Variants in CSMD2 observed in about 807,000 individuals in gnomAD.
CSMD2 encodes the protein CUB and Sushi multiple domains 2.
Under a neutral mutation model 398.5 loss-of-function variants are expected in CSMD2, and 130 were observed. The observed-to-expected ratio is 0.33, with a 90% CI of 0.28 to 0.38. The LOEUF is 0.38. CSMD2 is among the 10% of genes least tolerant of loss of function. The probability of loss-of-function intolerance (pLI) is 1.00; values close to 1 mark genes in which losing one functional copy is unlikely to be tolerated. For missense variants in CSMD2, 3,829 were observed against 4,764.9 expected (o/e 0.80, Z 5.78); for synonymous variants, 1,828 against 1,908.5 (o/e 0.96, Z 1.10).
chr1:33,822,773 A>T (rs970297198), intron 7 of CSMD2, among the ~76,000 whole-genome samples: 1 of 152,094 alleles, frequency 6.6e-6, no homozygotes, highest in Non-Finnish European at 1.5e-5. Context: ...GGGAAGGAGG[A>T]GGAAGCCTGA....
intron 5 of CSMD2, among the ~76,000 whole-genome samples, chr1:33,909,836 G>A (rs1039927780): frequency 6.6e-6 from 1 of 152,174 alleles, no homozygotes; most frequent in Non-Finnish European, 1.5e-5. Flanking sequence ...GGGCAGCTGT[G>A]TCCCAGCACA....
At chr1:33,632,191 A>G (rs1928347) in intron 32 of CSMD2, among the ~76,000 whole-genome samples, 11,556 of 152,138 alleles carry the variant, frequency 0.076, 772 homozygotes, top group African/African-American at 0.18. Flanking sequence ...GATGAAACTA[A>G]GAAGTGAAAG....
intron 29 of CSMD2, among the ~76,000 whole-genome samples, chr1:33,639,559 G>A (rs761006889): frequency 6.6e-5 from 10 of 152,164 alleles, no homozygotes; most frequent in Non-Finnish European, 1.3e-4. Context: ...GGAGGAGAAG[G>A]TTCATCACCT....
chr1:33,524,827 C>T lies in CSMD2; in HGVS notation c.10396+55G>A, dbSNP rs958500385. The T allele has an allele frequency of 1.9e-6, 3 of 1,582,340 alleles. No homozygotes were observed. The African/African-American group carries it at 4.0e-5, about 21-fold the overall frequency. ...GCAATGCCATTAGGCTCATCCTTGCCAAGGGTGTGTGCCCATCCATCCTCC... is the reference window on the plus strand; with the variant it reads ...GCAATGCCATTAGGCTCATCCTTGCTAAGGGTGTGTGCCCATCCATCCTCC... On this transcript the variant is annotated intron_variant, in intron 66 of 70. Coordinates refer to ENST00000373381, the MANE Select transcript of CSMD2 (RefSeq NM_001281956.2).
intron 27 of CSMD2, among the ~76,000 whole-genome samples, chr1:33,655,039 C>A (rs757295659): frequency 5.3e-5 from 8 of 152,238 alleles, no homozygotes; most frequent in Non-Finnish European, 1.0e-4. Flanking sequence ...TGCTTGGATC[C>A]CTGGGCTGCC....
chr1:33,983,236 C>T (rs967066911), intron 3 of CSMD2, among the ~76,000 whole-genome samples: 3 of 152,176 alleles, frequency 2.0e-5, no homozygotes, highest in Admixed American at 6.5e-5. Flanking sequence ...AAAAAAATAT[C>T]CGATGATTAT....
Position 33,633,372 on chromosome 1 carries a change from G to T in CSMD2, c.5200+50C>A. 1.5e-6 allele frequency: 2 copies of T among 1,375,666 alleles called. No homozygotes were observed. The highest frequency in any genetic ancestry group is 2.0e-6 in the Non-Finnish European group (2 of 988,246). The allele number at this position is 1,375,666 out of a possible 1,614,324, so 85.2% of individuals were successfully genotyped here. ...TAGAGCCTCCTTCCTTTAGCCGGAC[G>T]TGATGCCCCCGGCCCACAACCATCC... On this transcript the variant is annotated intron_variant, in intron 32 of 70. Transcript: ENST00000373381. This position sits in a 1 kb window ranked among gnomAD's most constrained non-coding sequence, Gnocchi z 5.0.
At chr1:34,093,455 A>G (rs946628699) in intron 1 of CSMD2, among the ~76,000 whole-genome samples, 1 of 152,118 alleles carries the variant, frequency 6.6e-6, no homozygotes, top group Non-Finnish European at 1.5e-5. Context: ...CGATCAAATT[A>G]CTCTGAGCTA....
At position 33,864,672 on chromosome 1, in the gene CSMD2, C is replaced by T. The variant is rs192690973; in HGVS notation, c.921-17676G>A. 411 of 1,613,764 alleles carry T rather than the reference C, an allele frequency of 2.5e-4. 1 individual carries two copies. Among genetic ancestry groups the T allele is most frequent in the Non-Finnish European group, 9.0e-5 (106 of 1,179,968 alleles). ...GTACTTCGAGGAACTTGAACTCTACCGTAAACAATGTAATGCCAGGAAGAA... is the reference window on the plus strand; with the variant it reads ...GTACTTCGAGGAACTTGAACTCTACTGTAAACAATGTAATGCCAGGAAGAA... On this transcript the variant is annotated intron_variant, in intron 5 of 70. Transcript: ENST00000373381.
chr1:33,786,523 C>G (rs991231542), intron 12 of CSMD2, among the ~76,000 whole-genome samples: 1 of 152,220 alleles, frequency 6.6e-6, no homozygotes, highest in Non-Finnish European at 1.5e-5. Flanking sequence ...ATTGAACTAC[C>G]TGTGTACTGG....
chr1:33,992,277 G>A (rs573746808), intron 3 of CSMD2, among the ~76,000 whole-genome samples: 6 of 152,198 alleles, frequency 3.9e-5, no homozygotes, highest in South Asian at 2.1e-4. Context: ...ATGACAGTAC[G>A]GCTCACTGAA....
At chr1:33,790,495 C>T (rs1016280516) in intron 11 of CSMD2, among the ~76,000 whole-genome samples, 3 of 152,196 alleles carry the variant, frequency 2.0e-5, no homozygotes, top group African/African-American at 7.2e-5. Flanking sequence ...AACATCAGCT[C>T]TTCCTGGATC....
chr1:33,598,544 G>A (rs976278660), intron 44 of CSMD2: 1 of 152,492 alleles, frequency 6.6e-6, no homozygotes, highest in Non-Finnish European at 1.5e-5. Flanking sequence ...CTAGAGGCTG[G>A]GAAGTCCAAG....
chr1:33,556,534 A>G (rs1464851357), intron 55 of CSMD2, among the ~76,000 whole-genome samples: 1 of 152,068 alleles, frequency 6.6e-6, no homozygotes, highest in Non-Finnish European at 1.5e-5. Flanking sequence ...AAGATGGGGG[A>G]GAGAGAAATC....
At chr1:34,024,448 G>A (rs1649361054) in intron 3 of CSMD2, among the ~76,000 whole-genome samples, 1 of 152,226 alleles carries the variant, frequency 6.6e-6, no homozygotes, top group African/African-American at 2.4e-5. Context: ...CCCCAAAGGG[G>A]TAAAATATTA....
intron 5 of CSMD2, among the ~76,000 whole-genome samples, chr1:33,887,563 AT>A (rs2125193914): frequency 6.6e-6 from 1 of 152,344 alleles, no homozygotes; most frequent in Admixed American, 6.5e-5. Context: ...TTTTTAAAAA[AT>A]AACACTACTT....
intron 3 of CSMD2, among the ~76,000 whole-genome samples, chr1:33,957,036 T>C (rs1280733267): frequency 6.6e-6 from 1 of 151,946 alleles, no homozygotes; most frequent in Non-Finnish European, 1.5e-5. Flanking sequence ...CTCAGGGCTC[T>C]TGCATTCACC....
intron 2 of CSMD2, among the ~76,000 whole-genome samples, chr1:34,086,620 T>A (rs925156395): frequency 6.6e-6 from 1 of 152,162 alleles, no homozygotes; most frequent in African/African-American, 2.4e-5. Flanking sequence ...TCCTGTCCAC[T>A]CTGTGTTTGG....
chr1:33,617,347 T>C, intron 38 of CSMD2, 152 bp downstream of exon 38: 1 of 625,326 alleles, frequency 1.6e-6, no homozygotes, highest in South Asian at 2.0e-5. Flanking sequence ...AGTTTATCTT[T>C]TGCATGAACA....
Sources: gnomAD v4.1 joint callset for allele counts (sites outside exome capture counted in the v4.1 genomes callset) on GRCh38, gnomAD v4.1.1 for gene constraint, Gnocchi (gnomAD v3.1) non-coding constraint, MANE v1.5 for transcripts, NCBI Gene and HGNC (gene_info 2026-07-23, HGNC 2026-07-21) for gene names.